PSMB8: variants seen among roughly 807,000 people sequenced by gnomAD.
The protein encoded by PSMB8 is proteasome subunit beta type-8.
A neutral mutation model predicts 32.3 loss-of-function variants in PSMB8; 20 were observed. The ratio of observed to expected loss-of-function variants is 0.62; its 90% CI spans 0.44 to 0.90. PSMB8 has a LOEUF of 0.90. Ranked by LOEUF, PSMB8 falls within the 40% of genes least tolerant of loss-of-function variation. PSMB8 has a pLI of 0.00. For missense variants in PSMB8, 342 were observed against 365.4 expected (o/e 0.94, Z 0.52); for synonymous variants, 131 against 135.4 (o/e 0.97, Z 0.23).
chr6:32,843,166 T>G, intron 1 of PSMB8, 77 bp from the exon 2 acceptor site: 1 of 1,519,806 alleles, frequency 6.6e-7, no homozygotes, highest in Non-Finnish European at 9.1e-7. Context: ...TTTTAGGGAG[T>G]ATGAGGGTGA....
At chr6:32,841,326 C>T (rs776492776) in intron 5 of PSMB8, among the ~76,000 whole-genome samples, 3 of 152,200 alleles carry the variant, frequency 2.0e-5, no homozygotes, top group Non-Finnish European at 4.4e-5. Context: ...CAAGCTCCAC[C>T]TCCCAGGTTC....
At position 32,840,871 on chromosome 6, in the gene PSMB8, T is replaced by C; in HGVS notation, c.*88A>G. The C allele has an allele frequency of 8.5e-7, 1 of 1,180,652 alleles. No homozygotes were observed. The highest frequency in any genetic ancestry group is 1.3e-6 in the Non-Finnish European group (1 of 790,896). 73.1% of individuals were successfully genotyped at this position (1,180,652 alleles called of 1,614,324 possible). ...CTCTCTCTTTGGCTCAGGCTAGGCC[T>C]CTTCTTCTCCTTGGACTTAACGTGG... is the stretch of plus-strand genomic sequence containing the variant. On this transcript the variant is annotated 3_prime_UTR_variant, in exon 6 of 6. Transcript: ENST00000374882.
At position 32,840,791 on chromosome 6, in the gene PSMB8, T is replaced by C. The variant is rs1769848724; in HGVS notation, c.*168A>G. On this transcript the variant is annotated 3_prime_UTR_variant, in exon 6 of 6. Coordinates refer to ENST00000374882, the MANE Select transcript of PSMB8 (RefSeq NM_148919.4). ...TCCCTGGGGGAAATGCTTGTTCAAATAGAGAACACGCAGAAGATGCACTTC... is the reference window on the plus strand; with the variant it reads ...TCCCTGGGGGAAATGCTTGTTCAAACAGAGAACACGCAGAAGATGCACTTC... 1.6e-6 allele frequency: 1 copy of C among 641,192 alleles called. No individual in the cohort carries two copies. Among genetic ancestry groups the C allele is most frequent in the South Asian group, 1.8e-5 (1 of 54,784 alleles). 39.7% of individuals were successfully genotyped at this position (641,192 alleles called of 1,614,324 possible). A position where few individuals can be genotyped will look rare whatever the true frequency, so the allele number is the denominator to read the frequency against.
chr6:32,841,434 C>T lies in PSMB8; in HGVS notation c.742+97G>A, dbSNP rs55951825. On this transcript the variant is annotated intron_variant, in intron 5 of 5. Coordinates refer to ENST00000374882, the MANE Select transcript of PSMB8 (RefSeq NM_148919.4). ...TGTAGTTTTAGTAGAGACGGGGTTT[C>T]GCCATGTTGGCCAGGCTGGTTTCTC... The T allele has an allele frequency of 3.3e-3, 4,208 of 1,284,678 alleles. 189 individuals are homozygous for T. The East Asian group carries it at 0.078, about 24-fold the overall frequency. The allele number at this position is 1,284,678 out of a possible 1,614,324, so 79.6% of individuals were successfully genotyped here.
Position 32,842,116 on chromosome 6 carries a change from A to T in PSMB8, c.537+18T>A, listed in dbSNP as rs1350986269. 1 of 1,613,114 alleles carries T rather than the reference A, an allele frequency of 6.2e-7. No homozygotes were observed. Among genetic ancestry groups the T allele is most frequent in the Non-Finnish European group, 8.5e-7 (1 of 1,180,036 alleles). On this transcript the variant is annotated intron_variant, in intron 4 of 5. Transcript: ENST00000374882. The stretch of plus-strand genomic sequence containing the variant: ...TAGGGAACATGGTGGGGGAACATGA[A>T]GAATGGAGAGCACCCACCTTCTTAT...
Position 32,840,901 on chromosome 6 carries a change from G to A in PSMB8, c.*58C>T. ...TTCTCCTTGGACTTAACGTGGCTTA[G>A]GTCCCTGAGTCGGCCAAGACCTCCC... is the stretch of plus-strand genomic sequence containing the variant. On this transcript the variant is annotated 3_prime_UTR_variant, in exon 6 of 6. Coordinates refer to ENST00000374882, the MANE Select transcript of PSMB8 (RefSeq NM_148919.4). The A allele has an allele frequency of 6.9e-7, 1 of 1,440,824 alleles. No homozygotes were observed. Among genetic ancestry groups the A allele is most frequent in the African/African-American group, 1.4e-5 (1 of 71,266 alleles). The allele number at this position is 1,440,824 out of a possible 1,614,324, so 89.3% of individuals were successfully genotyped here. A position where few individuals can be genotyped will look rare whatever the true frequency, so the allele number is the denominator to read the frequency against.
At chr6:32,843,214 A>G in intron 1 of PSMB8, 125 bp from the exon 2 acceptor site, 1 of 1,057,384 alleles carries the variant, frequency 9.5e-7, no homozygotes, top group South Asian at 1.3e-5. Flanking sequence ...CAATAAATGA[A>G]ACAGTTAATA....
chr6:32,841,584 C>T lies in PSMB8; in HGVS notation c.689G>A (p.Arg230Lys). The change falls in exon 5 of 6, where the codon AGG (arginine) becomes AAG (lysine). Residue 230 changes from arginine to lysine, a missense_variant. Arg to Lys is a conservative substitution (Grantham distance 26, BLOSUM62 2). Coordinates refer to ENST00000374882, the MANE Select transcript of PSMB8 (RefSeq NM_148919.4). ...TCTGTGAGTGGCATAAGCAATAGCC[C>T]TGCGGCCAAGGTCATAGGCCTCTTC... is the stretch of plus-strand genomic sequence containing the variant. ...SPEEAYDLGR[R>K]AIAYATHRDS... is the part of the protein sequence containing the mutation. The T allele has an allele frequency of 6.2e-7, 1 of 1,613,056 alleles. No individual in the cohort carries two copies. Among genetic ancestry groups the T allele is most frequent in the Non-Finnish European group, 8.5e-7 (1 of 1,180,046 alleles).
chr6:32,841,027 C>A lies in PSMB8; in HGVS notation c.763G>T (p.Gly255Cys). ...TCTGTACTTTCTACTTTCACCCAACCATCTTCCTTCATGTGGTACACTGTG... is the reference window on the plus strand; with the variant it reads ...TCTGTACTTTCTACTTTCACCCAACAATCTTCCTTCATGTGGTACACTGTG... ...VVNMYHMKED[G>C]WVKVESTDVS... The change falls in exon 6 of 6, where the codon GGT (glycine) becomes TGT (cysteine). Residue 255 changes from glycine (G) to cysteine (C), a missense_variant. Gly to Cys is a radical substitution (Grantham distance 159). Transcript: ENST00000374882. 1 of 1,612,538 alleles carries A rather than the reference C, an allele frequency of 6.2e-7. No homozygotes were observed.
upstream of PSMB8, chr6:32,844,445 G>C (rs1422499818): frequency 1.9e-6 from 3 of 1,612,480 alleles, no homozygotes; most frequent in Non-Finnish European, 1.7e-6. Context: ...ACGGAAGTGC[G>C]AGGGGGCAGA....
chr6:32,842,763 C>T lies in PSMB8; in HGVS notation c.316G>A (p.Val106Met), dbSNP rs1254158106. ...AGCAGGTAAGGGTTAATCTCAATCA[C>T]CTTGTTCACCCGTAAGGCACCTGGA... ...SYISALRVNK[V>M]IEINPYLLGT... Residue 106 changes from valine (V) to methionine (M), a missense_variant, in exon 3 of 6, where the codon GTG becomes ATG. Transcript: ENST00000374882. 5 of 1,614,094 alleles carry T rather than the reference C, an allele frequency of 3.1e-6. No homozygotes were observed. The highest frequency in any genetic ancestry group is 4.2e-6 in the Non-Finnish European group (5 of 1,180,022).
At chr6:32,843,217 A>C (rs1770045905) in intron 1 of PSMB8, 128 bp from the exon 2 acceptor site, 3 of 1,064,070 alleles carry the variant, frequency 2.8e-6, no homozygotes, top group Admixed American at 2.0e-5. Flanking sequence ...TAAATGAAAC[A>C]GTTAATAACC....
rs114636648 is a variant in PSMB8 at position 32,841,603 on chromosome 6, C to A, written c.670G>T (p.Ala224Ser). ...GYRPNLSPEEAYDLGRRAIAY... is the reference protein window; with the variant it reads ...GYRPNLSPEESYDLGRRAIAY... ...ATAGCCCTGCGGCCAAGGTCATAGG[C>A]CTCTTCAGGGCTAAGATTAGGCCGA... The change falls in exon 5 of 6, where the codon GCC becomes TCC. Residue 224 changes from alanine (A) to serine (S), a missense_variant. Coordinates refer to ENST00000374882, the MANE Select transcript of PSMB8 (RefSeq NM_148919.4). 6.2e-5 allele frequency: 100 copies of A among 1,613,036 alleles called. No homozygotes were observed. The highest frequency in any genetic ancestry group is 4.8e-4 in the African/African-American group (36 of 75,036).
intron 1 of PSMB8, 131 bp downstream of exon 1, chr6:32,843,719 G>C: frequency 9.0e-7 from 1 of 1,106,758 alleles, no homozygotes; most frequent in Non-Finnish European, 1.3e-6. Flanking sequence ...TGGGTCTGGC[G>C]CTCTCCGGGA....
At chr6:32,842,366 G>A in intron 3 of PSMB8, 103 bp from the exon 4 acceptor site, 2 of 1,449,118 alleles carry the variant, frequency 1.4e-6, no homozygotes, top group African/African-American at 1.4e-5. Context: ...GAATTATTTT[G>A]TAGGATCTAA....
chr6:32,843,739 AC>A, intron 1 of PSMB8, 110 bp downstream of exon 1: 1 of 1,354,118 alleles, frequency 7.4e-7, no homozygotes. Context: ...ACTGAAGGCT[AC>A]CCCCGACCCT....
At chr6:32,844,499 G>A, upstream of PSMB8, 3 of 1,529,126 alleles carry the variant, frequency 2.0e-6, no homozygotes, top group Non-Finnish European at 2.7e-6. Flanking sequence ...GAATATACCC[G>A]CCGCGTGTAG....
At position 32,840,843 on chromosome 6, in the gene PSMB8, G is replaced by T. The variant is rs56138642; in HGVS notation, c.*116C>A. On this transcript the variant is annotated 3_prime_UTR_variant, in exon 6 of 6. Coordinates refer to ENST00000374882, the MANE Select transcript of PSMB8 (RefSeq NM_148919.4). The stretch of plus-strand genomic sequence containing the variant: ...CCGGCCTCCTCTGGCTGCTGAGCCC[G>T]TACTCTCTCTTTGGCTCAGGCTAGG... The T allele has an allele frequency of 4.7e-6, 4 of 845,380 alleles. No homozygotes were observed. The highest frequency in any genetic ancestry group is 8.0e-6 in the Non-Finnish European group (4 of 501,934). 52.4% of individuals were successfully genotyped at this position (845,380 alleles called of 1,614,324 possible). A position where few individuals can be genotyped will look rare whatever the true frequency, so the allele number is the denominator to read the frequency against.
At chr6:32,842,649 G>A (rs1375301638) in intron 3 of PSMB8, 23 bp downstream of exon 3, 5 of 1,574,900 alleles carry the variant, frequency 3.2e-6, no homozygotes, top group Non-Finnish European at 4.4e-6. Flanking sequence ...GGCTAAGAAA[G>A]GAAGATGAGA....
Sources: gnomAD v4.1 joint callset for allele counts (sites outside exome capture counted in the v4.1 genomes callset) on GRCh38, gnomAD v4.1.1 for gene constraint, MANE v1.5 for transcripts, NCBI Gene and HGNC (gene_info 2026-07-23, HGNC 2026-07-21) for gene names.